The following RPS6KC1 variants were observed in gnomAD, a reference collection of about 807,000 sequenced individuals.
RPS6KC1 encodes the protein inactive ribosomal protein S6 kinase delta-1.
RPS6KC1 carries 54 observed loss-of-function variants against 103.8 expected under a neutral mutation model. The observed-to-expected ratio is 0.52, with a 90% CI of 0.42 to 0.65. RPS6KC1 has a LOEUF of 0.65. RPS6KC1 is among the 30% of genes least tolerant of loss of function. The pLI is 0.00. For synonymous variants in RPS6KC1, 439 were observed against 438.7 expected (o/e 1.00, Z -0.01); for missense variants, 1,151 against 1,253.8 (o/e 0.92, Z 1.24).
chr1:213,517,441 T>C, the RPS6KC1 span, among the ~76,000 whole-genome samples: 1 of 152,216 alleles, frequency 6.6e-6, no homozygotes, highest in Non-Finnish European at 1.5e-5. Context: ...TTTTTTCTTG[T>C]TGGTTTCAAA....
the RPS6KC1 span, among the ~76,000 whole-genome samples, chr1:213,773,789 A>G: frequency 6.6e-6 from 1 of 152,210 alleles, no homozygotes; most frequent in African/African-American, 2.4e-5. Context: ...CACATTATAG[A>G]GGATGGTCTC....
At chr1:213,713,002 T>G in the RPS6KC1 span, among the ~76,000 whole-genome samples, 1 of 152,114 alleles carries the variant, frequency 6.6e-6, no homozygotes, top group Non-Finnish European at 1.5e-5. Context: ...TAAAGGCACT[T>G]TTTAAAAATA....
chr1:213,793,614 C>T, the RPS6KC1 span, among the ~76,000 whole-genome samples: 1 of 152,122 alleles, frequency 6.6e-6, no homozygotes, highest in African/African-American at 2.4e-5. Context: ...TAATGGATGC[C>T]AGAGCACAGA....
At chr1:213,763,404 C>G in the RPS6KC1 span, among the ~76,000 whole-genome samples, 1 of 152,172 alleles carries the variant, frequency 6.6e-6, no homozygotes, top group African/African-American at 2.4e-5. Context: ...GAGCTGATGG[C>G]ACTTGCCCAA....
At chr1:213,489,473 T>C in the RPS6KC1 span, among the ~76,000 whole-genome samples, 6 of 152,340 alleles carry the variant, frequency 3.9e-5, no homozygotes, top group African/African-American at 1.4e-4. Flanking sequence ...TATTTTCCTC[T>C]GGGCCTTTTC....
the RPS6KC1 span, among the ~76,000 whole-genome samples, chr1:213,354,055 A>G: frequency 6.6e-6 from 1 of 152,150 alleles, no homozygotes; most frequent in Non-Finnish European, 1.5e-5. Flanking sequence ...CCTTTTGGCA[A>G]TCTAAGAATG....
chr1:213,073,635 C>A (rs1008313046), intron 2 of RPS6KC1, among the ~76,000 whole-genome samples: 1 of 151,728 alleles, frequency 6.6e-6, no homozygotes, highest in African/African-American at 2.4e-5. Context: ...ACTTTTAAAT[C>A]CTTTTTTAAA....
the RPS6KC1 span, among the ~76,000 whole-genome samples, chr1:213,651,198 G>A: frequency 1.3e-5 from 2 of 151,988 alleles, no homozygotes; most frequent in Non-Finnish European, 2.9e-5. Flanking sequence ...ATTCATCTTC[G>A]ACCATCTCCA....
the RPS6KC1 span, among the ~76,000 whole-genome samples, chr1:213,435,193 C>G: frequency 6.6e-6 from 1 of 152,304 alleles, no homozygotes; most frequent in East Asian, 1.9e-4. Flanking sequence ...TTTTCCATCT[C>G]AGACATTGTA....
intron 6 of RPS6KC1, among the ~76,000 whole-genome samples, chr1:213,151,152 G>T (rs1327002642): frequency 1.4e-5 from 2 of 146,024 alleles, no homozygotes; most frequent in South Asian, 2.2e-4. Context: ...CGGATGGGGC[G>T]GCTGGCCGGG....
chr1:213,616,155 C>G, the RPS6KC1 span, among the ~76,000 whole-genome samples: 1 of 152,208 alleles, frequency 6.6e-6, no homozygotes, highest in South Asian at 2.1e-4. Context: ...GGAGCTTACA[C>G]TCAAATCAGA....
chr1:213,654,533 G>C, the RPS6KC1 span, among the ~76,000 whole-genome samples: 4 of 152,128 alleles, frequency 2.6e-5, no homozygotes, highest in African/African-American at 9.7e-5. Flanking sequence ...TTCTATTCAA[G>C]TAATCCAAAA....
the RPS6KC1 span, among the ~76,000 whole-genome samples, chr1:213,827,043 A>G: frequency 6.6e-6 from 1 of 152,140 alleles, no homozygotes; most frequent in African/African-American, 2.4e-5. Context: ...GCTGGGCTTG[A>G]GTAACTCTGA....
At chr1:213,192,001 G>A (rs1002852521) in intron 8 of RPS6KC1, among the ~76,000 whole-genome samples, 1 of 151,958 alleles carries the variant, frequency 6.6e-6, no homozygotes, top group African/African-American at 2.4e-5. Flanking sequence ...AGATCTGCCC[G>A]ATTCAGCCTC....
the RPS6KC1 span, among the ~76,000 whole-genome samples, chr1:213,392,004 GT>G: frequency 6.6e-6 from 1 of 152,074 alleles, no homozygotes; most frequent in South Asian, 2.1e-4. Context: ...TAGCAATTTG[GT>G]TTTTGAATTT....
intron 12 of RPS6KC1, among the ~76,000 whole-genome samples, chr1:213,249,593 A>G (rs1387555350): frequency 6.6e-6 from 1 of 152,188 alleles, no homozygotes; most frequent in Non-Finnish European, 1.5e-5. Context: ...CCTTTTTCTC[A>G]TCAATCAACT....
intron 8 of RPS6KC1, among the ~76,000 whole-genome samples, chr1:213,219,280 A>G (rs898738893): frequency 6.6e-6 from 1 of 152,236 alleles, no homozygotes; most frequent in Non-Finnish European, 1.5e-5. Flanking sequence ...ACTGGCCATC[A>G]GAGAAATGCA....
chr1:213,854,634 T>TATTCACCCTCTGTCTGG, the RPS6KC1 span, among the ~76,000 whole-genome samples: 5 of 151,864 alleles, frequency 3.3e-5, no homozygotes, highest in African/African-American at 7.3e-5. Context: ...CCCTCTGATT[T>TATTCACCCTCTGTCTGG]AATGGTACTA....
chr1:213,270,565 C>T (rs111931123), intron 14 of RPS6KC1, among the ~76,000 whole-genome samples: 2 of 151,888 alleles, frequency 1.3e-5, no homozygotes, highest in African/African-American at 4.8e-5. Flanking sequence ...CTCTTGAGCC[C>T]AGAAGTTTGA....
Sources: allele counts gnomAD v4.1 joint callset (sites outside exome capture counted in the v4.1 genomes callset), GRCh38; gene constraint gnomAD v4.1.1; transcripts MANE v1.5; gene names NCBI Gene and HGNC (gene_info 2026-07-23, HGNC 2026-07-21).